Variants in SDHAF3 observed in about 807,000 individuals in gnomAD.
SDHAF3 encodes the protein succinate dehydrogenase assembly factor 3, mitochondrial.
Under a neutral mutation model 11.5 loss-of-function variants are expected in SDHAF3, and 18 were observed. That is an observed-to-expected ratio of 1.56 (90% CI 1.08 to 2.32). The LOEUF (loss-of-function observed/expected upper bound fraction) is 2.32, where lower values mean the gene tolerates loss of function less well. Ranked by LOEUF, SDHAF3 falls within the 30% of genes most tolerant of loss-of-function variation. The pLI is 0.00. For missense variants in SDHAF3, 200 were observed against 154.4 expected (o/e 1.30, Z -1.57); for synonymous variants, 72 against 59.3 (o/e 1.21, Z -0.99).
chr7:97,137,866 C>T (rs79575322), intron 1 of SDHAF3, among the ~76,000 whole-genome samples: 188 of 117,306 alleles, frequency 1.6e-3, no homozygotes, highest in African/African-American at 5.8e-3. Context: ...TCATTCCATT[C>T]GCTTTTTTTT....
chr7:97,179,568 T>C (rs1789738925), intron 1 of SDHAF3, among the ~76,000 whole-genome samples: 1 of 152,120 alleles, frequency 6.6e-6, no homozygotes, highest in Non-Finnish European at 1.5e-5. Context: ...AGGGTGATTT[T>C]TGCCTTGCCA....
At chr7:97,137,508 G>A (rs1788946546) in intron 1 of SDHAF3, among the ~76,000 whole-genome samples, 2 of 152,202 alleles carry the variant, frequency 1.3e-5, no homozygotes, top group South Asian at 4.1e-4. Flanking sequence ...CTTGAACTAT[G>A]TGAGGGTGTT....
intron 1 of SDHAF3, among the ~76,000 whole-genome samples, chr7:97,126,563 C>T (rs1319401824): frequency 3.9e-5 from 6 of 152,114 alleles, no homozygotes; most frequent in African/African-American, 1.2e-4. Context: ...TGCTTTGCTG[C>T]GTTACGTTGA....
intron 1 of SDHAF3, among the ~76,000 whole-genome samples, chr7:97,166,688 T>TAATA (rs1247400748): frequency 6.6e-6 from 1 of 152,004 alleles, no homozygotes; most frequent in Non-Finnish European, 1.5e-5. Context: ...TGGCCTGAAC[T>TAATA]AATATTTCAG....
chr7:97,158,139 T>TA (rs1427729591), intron 1 of SDHAF3, among the ~76,000 whole-genome samples: 3 of 151,814 alleles, frequency 2.0e-5, no homozygotes, highest in African/African-American at 7.3e-5. Context: ...AAAAAAAAAA[T>TA]ACAATCATTG....
intron 1 of SDHAF3, among the ~76,000 whole-genome samples, chr7:97,172,462 T>C (rs886532241): frequency 6.6e-6 from 1 of 152,200 alleles, no homozygotes; most frequent in Non-Finnish European, 1.5e-5. Context: ...GTGACTCTTA[T>C]CACCTTTCCA....
chr7:97,131,109 C>T (rs188576178), intron 1 of SDHAF3, among the ~76,000 whole-genome samples: 13 of 152,290 alleles, frequency 8.5e-5, no homozygotes, highest in Admixed American at 5.9e-4. Flanking sequence ...ATGTTGTGTT[C>T]TTAGTTTATG....
At chr7:97,158,944 T>G (rs1343224308) in intron 1 of SDHAF3, among the ~76,000 whole-genome samples, 1 of 152,214 alleles carries the variant, frequency 6.6e-6, no homozygotes. Context: ...AAACAACCTG[T>G]TTTTTTCTTT....
chr7:97,126,079 T>G (rs1477901984), intron 1 of SDHAF3, among the ~76,000 whole-genome samples: 1 of 152,212 alleles, frequency 6.6e-6, no homozygotes, highest in Non-Finnish European at 1.5e-5. Flanking sequence ...CTGCTGCAGT[T>G]TGCTGGAGGT....
chr7:97,124,240 T>G (rs936491012), intron 1 of SDHAF3, among the ~76,000 whole-genome samples: 11 of 152,206 alleles, frequency 7.2e-5, no homozygotes, highest in African/African-American at 2.7e-4. Flanking sequence ...CACCATTTAT[T>G]AAATAGGGAA....
chr7:97,151,228 A>G (rs889540672), intron 1 of SDHAF3, among the ~76,000 whole-genome samples: 3 of 152,220 alleles, frequency 2.0e-5, no homozygotes, highest in East Asian at 1.9e-4. Context: ...AGAAAGGCAT[A>G]CGGATTTATT....
chr7:97,169,238 A>C (rs1014257732), intron 1 of SDHAF3, among the ~76,000 whole-genome samples: 1 of 152,138 alleles, frequency 6.6e-6, no homozygotes, highest in Non-Finnish European at 1.5e-5. Flanking sequence ...AGGCAGGAGG[A>C]TCACTTGAAT....
intron 1 of SDHAF3, among the ~76,000 whole-genome samples, chr7:97,167,661 G>A (rs1043309011): frequency 6.6e-6 from 1 of 152,100 alleles, no homozygotes; most frequent in African/African-American, 2.4e-5. Flanking sequence ...TTGGTGGGTG[G>A]GGGACAGTGA....
At position 97,181,018 on chromosome 7, in the gene SDHAF3, G is replaced by A; in HGVS notation, c.181G>A (p.Ala61Thr). Residue 61 changes from alanine to threonine, a missense_variant, in exon 2 of 2, where the codon GCA becomes ACA. Transcript: ENST00000432641. ...TCATTCTTTATCTTTTTAGGTGTAT[G>A]CAACAGCGTTATTGCAACAGGCTAA... Reference protein sequence around the residue: ...QRFLQEWEVYATALLQQANEN... With the variant: ...QRFLQEWEVYTTALLQQANEN... 2 of 1,613,284 alleles carry A rather than the reference G, an allele frequency of 1.2e-6. No individual in the cohort carries two copies. The highest frequency in any genetic ancestry group is 1.7e-6 in the Non-Finnish European group (2 of 1,179,638).
chr7:97,126,182 A>C (rs1177916203), intron 1 of SDHAF3, among the ~76,000 whole-genome samples: 1 of 152,206 alleles, frequency 6.6e-6, no homozygotes, highest in Non-Finnish European at 1.5e-5. Flanking sequence ...GCTTCGTCCC[A>C]GAGGGGCACC....
intron 1 of SDHAF3, among the ~76,000 whole-genome samples, chr7:97,129,450 T>A (rs1298754260): frequency 6.6e-6 from 1 of 152,200 alleles, no homozygotes. Flanking sequence ...TGCTAATGGC[T>A]CCATTCTTGT....
intron 1 of SDHAF3, among the ~76,000 whole-genome samples, chr7:97,178,323 TGTC>T (rs905406868): frequency 2.6e-5 from 4 of 152,228 alleles, no homozygotes; most frequent in African/African-American, 7.2e-5. Flanking sequence ...ATTTTCCAAA[TGTC>T]GTCTATTGTG....
intron 1 of SDHAF3, among the ~76,000 whole-genome samples, chr7:97,146,788 C>CTT (rs752676493): frequency 1.0e-4 from 14 of 139,490 alleles, no homozygotes; most frequent in African/African-American, 1.3e-4. Context: ...TAATAGGTAC[C>CTT]TTTTTTTTTT....
intron 1 of SDHAF3, among the ~76,000 whole-genome samples, chr7:97,122,350 T>C (rs915495815): frequency 2.0e-5 from 3 of 152,176 alleles, no homozygotes; most frequent in African/African-American, 7.2e-5. Flanking sequence ...TCTAGAAAGA[T>C]CATGTTAGCA....
Sources: allele counts gnomAD v4.1 joint callset (sites outside exome capture counted in the v4.1 genomes callset), GRCh38; gene constraint gnomAD v4.1.1; transcripts MANE v1.5; gene names NCBI Gene and HGNC (gene_info 2026-07-23, HGNC 2026-07-21).